PLXDC1: variants seen among roughly 807,000 people sequenced by gnomAD.
PLXDC1 encodes the protein plexin domain containing 1, also known as plexin domain-containing protein 1.
PLXDC1 carries 39 observed loss-of-function variants against 61.3 expected under a neutral mutation model. The observed-to-expected ratio is 0.64, with a 90% CI of 0.49 to 0.83. PLXDC1 has a LOEUF of 0.83. PLXDC1 is among the 40% of genes least tolerant of loss of function. The probability of loss-of-function intolerance (pLI) is 0.00; values close to 1 mark genes in which losing one functional copy is unlikely to be tolerated. For synonymous variants in PLXDC1, 212 were observed against 254.5 expected (o/e 0.83, Z 1.59); for missense variants, 596 against 666.5 (o/e 0.89, Z 1.17).
At chr17:39,137,502 T>C (rs1911792315) in intron 2 of PLXDC1, 2 of 152,090 alleles carry the variant, frequency 1.3e-5, no homozygotes, top group African/African-American at 4.8e-5. Context: ...GAGGTTGCAA[T>C]GAGCCAAGAT....
In PLXDC1 at chr17:39,083,551, G is replaced by C; in HGVS notation, c.908-11C>G. 1 of 1,604,014 alleles carries C rather than the reference G, an allele frequency of 6.2e-7. No homozygotes were observed. The highest frequency in any genetic ancestry group is 8.5e-7 in the Non-Finnish European group (1 of 1,174,566). On this transcript the variant is annotated splice_polypyrimidine_tract_variant and intron_variant, in intron 8 of 13. Transcript: ENST00000315392. Reference sequence around the variant, plus strand: ...TATGCTGCAGGCAGGCTGCAAGAGAGAAGGCAGTGGCCGCTCAGCACCGAG... The same window carrying C: ...TATGCTGCAGGCAGGCTGCAAGAGACAAGGCAGTGGCCGCTCAGCACCGAG...
At chr17:39,135,676 T>TCAA (rs774933084) in intron 2 of PLXDC1, among the ~76,000 whole-genome samples, 3 of 104,402 alleles carry the variant, frequency 2.9e-5, no homozygotes, top group Non-Finnish European at 4.0e-5. Flanking sequence ...ACACTCCGTC[T>TCAA]AAAAAAAAAA....
intron 2 of PLXDC1, chr17:39,113,067 C>T (rs762615980): frequency 3.9e-5 from 6 of 152,144 alleles, no homozygotes; most frequent in Non-Finnish European, 7.3e-5. Context: ...ATCCAATGAC[C>T]GGTGTCTTTA....
rs1555572550 is a variant in PLXDC1 at position 39,118,111 on chromosome 17, T to TTC, written c.256-8721_256-8720insGA. Among the ~76,000 whole-genome samples the TTC allele has an allele frequency of 2.1e-4, 25 of 121,848 alleles. No individual in the cohort carries two copies. The East Asian group carries it at 2.5e-3, about 12-fold the overall frequency. The allele number at this position is 121,848 out of a possible 152,430, so 79.9% of individuals were successfully genotyped here. On this transcript the variant is annotated intron_variant, in intron 2 of 13. Coordinates refer to ENST00000315392, the MANE Select transcript of PLXDC1 (RefSeq NM_020405.5). Reference sequence around the variant, plus strand: ...CTTCCTTCCTTCCTTCCTTCCTTCCTCTCTCTCTCTCAATCTCTTCCTTCC... The same window carrying TTC: ...CTTCCTTCCTTCCTTCCTTCCTTCCTTCCTCTCTCTCTCAATCTCTTCCTTCC...
At chr17:39,124,382 CAGG>C (rs1911256735) in intron 2 of PLXDC1, among the ~76,000 whole-genome samples, 1 of 152,178 alleles carries the variant, frequency 6.6e-6, no homozygotes, top group African/African-American at 2.4e-5. Context: ...CACTTGAGGC[CAGG>C]AGTTCAAGAC....
chr17:39,122,113 G>GC (rs146458629), intron 2 of PLXDC1, among the ~76,000 whole-genome samples: 37,088 of 115,232 alleles, frequency 0.32, 6,403 homozygotes, highest in Non-Finnish European at 0.41. Flanking sequence ...AAAAAAAAAG[G>GC]GGGGGGGGAC....
intron 1 of PLXDC1, among the ~76,000 whole-genome samples, chr17:39,142,967 G>A (rs1169572530): frequency 6.6e-6 from 1 of 152,034 alleles, no homozygotes; most frequent in Non-Finnish European, 1.5e-5. Flanking sequence ...ACGAAACCCC[G>A]TCTCTACTAA....
At chr17:39,097,766 G>A (rs1256568861) in intron 7 of PLXDC1, among the ~76,000 whole-genome samples, 1 of 151,462 alleles carries the variant, frequency 6.6e-6, no homozygotes, top group Non-Finnish European at 1.5e-5. Flanking sequence ...GCTGGGCATG[G>A]TGGTACACAT....
intron 2 of PLXDC1, among the ~76,000 whole-genome samples, chr17:39,127,299 C>T (rs1911339784): frequency 6.6e-6 from 1 of 152,096 alleles, no homozygotes; most frequent in Non-Finnish European, 1.5e-5. Flanking sequence ...TTACATAGAA[C>T]TTAGGAATTT....
chr17:39,111,542 C>T (rs1910802141), intron 2 of PLXDC1, among the ~76,000 whole-genome samples: 1 of 152,192 alleles, frequency 6.6e-6, no homozygotes, highest in South Asian at 2.1e-4. Flanking sequence ...ACCTGGGCCT[C>T]CCAAGGTGCT....
intron 1 of PLXDC1, among the ~76,000 whole-genome samples, chr17:39,150,369 A>T (rs1348088747): frequency 6.6e-6 from 1 of 152,156 alleles, no homozygotes; most frequent in Non-Finnish European, 1.5e-5. Flanking sequence ...CACTCCTGAG[A>T]CACAGCAGGT....
intron 1 of PLXDC1, among the ~76,000 whole-genome samples, chr17:39,150,582 A>T (rs2144013969): frequency 6.6e-6 from 1 of 152,312 alleles, no homozygotes; most frequent in East Asian, 1.9e-4. Flanking sequence ...GATTCCAGGT[A>T]GATCTCAGAA....
intron 2 of PLXDC1, among the ~76,000 whole-genome samples, chr17:39,112,520 CGATCTCAGCTCA>C (rs1910845931): frequency 7.6e-6 from 1 of 131,340 alleles, no homozygotes. Context: ...TGCAGTGGTG[CGATCTCAGCTCA>C]CTGCAATCTC....
At chr17:39,078,095 C>G (rs1909412975) in intron 10 of PLXDC1, 47 bp from the exon 11 acceptor site, 1 of 1,497,372 alleles carries the variant, frequency 6.7e-7, no homozygotes. Flanking sequence ...TTACACCTTT[C>G]CCTTCATCCT....
At chr17:39,076,110 A>G (rs1307510222) in intron 11 of PLXDC1, among the ~76,000 whole-genome samples, 1 of 139,092 alleles carries the variant, frequency 7.2e-6, no homozygotes, top group South Asian at 2.1e-4. Context: ...AAAAAGAAAG[A>G]AAAAAGAAAG....
chr17:39,101,538 C>A (rs1910420377), intron 7 of PLXDC1, among the ~76,000 whole-genome samples: 1 of 152,146 alleles, frequency 6.6e-6, no homozygotes, highest in Non-Finnish European at 1.5e-5. Flanking sequence ...CTGTGGCAGG[C>A]TAGGCCTGGG....
Position 39,120,091 on chromosome 17 carries a change from T to C in PLXDC1, c.256-10700A>G, listed in dbSNP as rs138831914. On this transcript the variant is annotated intron_variant, in intron 2 of 13. Coordinates refer to ENST00000315392, the MANE Select transcript of PLXDC1 (RefSeq NM_020405.5). ...ATGATATCAAATTATAAAGAGGACC[T>C]AAGGCCATGACAGGCACGGGTTAAA... Among the ~76,000 whole-genome samples, 4 of 152,290 alleles carry C rather than the reference T, an allele frequency of 2.6e-5. No homozygotes were observed. The East Asian group carries it at 7.7e-4, about 29-fold the overall frequency.
intron 7 of PLXDC1, among the ~76,000 whole-genome samples, chr17:39,094,501 C>T (rs1028177553): frequency 4.6e-5 from 7 of 152,048 alleles, no homozygotes; most frequent in South Asian, 4.2e-4. Context: ...CCCCCCGACC[C>T]GGCCCCACTC....
At chr17:39,149,280 G>A (rs1177509207) in intron 1 of PLXDC1, among the ~76,000 whole-genome samples, 1 of 152,130 alleles carries the variant, frequency 6.6e-6, no homozygotes, top group Non-Finnish European at 1.5e-5. Flanking sequence ...AAGGATGCTA[G>A]CATCTCTTCA....
Sources: allele counts gnomAD v4.1 joint callset (sites outside exome capture counted in the v4.1 genomes callset), GRCh38; gene constraint gnomAD v4.1.1; transcripts MANE v1.5; gene names NCBI Gene and HGNC (gene_info 2026-07-23, HGNC 2026-07-21).